GPC6: variants seen among roughly 807,000 people sequenced by gnomAD.
GPC6 encodes the protein glypican-6.
In GPC6, 14 loss-of-function variants were observed where a neutral mutation model predicts 55.2. The observed-to-expected ratio is 0.25, with a 90% CI of 0.17 to 0.40. The LOEUF is 0.40. Among genes scored for constraint, GPC6 ranks in the 10% least tolerant of loss-of-function variants. The probability of loss-of-function intolerance (pLI) is 1.00; values close to 1 mark genes in which losing one functional copy is unlikely to be tolerated. For missense variants in GPC6, 641 were observed against 708.5 expected, an observed-to-expected ratio of 0.90 and a Z score of 1.08; for synonymous variants, 278 against 259.6, an observed-to-expected ratio of 1.07 and a Z score of -0.68.
chr13:94,193,268 T>A (rs966492339), intron 4 of GPC6, among the ~76,000 whole-genome samples: 12 of 152,136 alleles, frequency 7.9e-5, no homozygotes, highest in African/African-American at 2.9e-4. Flanking sequence ...GCCTTTATAG[T>A]GGAGCTATGT....
At chr13:93,682,988 A>G (rs1229896025) in intron 2 of GPC6, among the ~76,000 whole-genome samples, 5 of 152,144 alleles carry the variant, frequency 3.3e-5, no homozygotes, top group African/African-American at 1.2e-4. Context: ...AGTGCACTCT[A>G]GTCTGTGTGA....
In GPC6 at chr13:93,543,992, A is replaced by G. The variant is rs555873037; in HGVS notation, c.161-1271A>G. ...TTTGTTATTTTTTATCTTTCTGATA[A>G]CAACCATCCTAACTGGGGTGAGATG... On this transcript the variant is annotated intron_variant, in intron 1 of 8. Coordinates refer to ENST00000377047, the MANE Select transcript of GPC6 (RefSeq NM_005708.5). Among the ~76,000 whole-genome samples the G allele has an allele frequency of 1.1e-4, 16 of 152,046 alleles. No individual in the cohort carries two copies. In the East Asian group the frequency reaches 2.9e-3, roughly 28 times the overall value.
At chr13:93,449,550 C>T (rs12855671) in intron 1 of GPC6, among the ~76,000 whole-genome samples, 32,215 of 152,140 alleles carry the variant, frequency 0.21, 3,583 homozygotes, top group Middle Eastern at 0.28. Flanking sequence ...GACTGTAGGC[C>T]GGGCGCGGTG....
intron 1 of GPC6, among the ~76,000 whole-genome samples, chr13:93,536,750 T>G (rs1566410419): frequency 6.6e-6 from 1 of 152,164 alleles, no homozygotes; most frequent in Non-Finnish European, 1.5e-5. Context: ...CATTAGTAAA[T>G]CCTCATATTG....
chr13:93,980,275 A>G (rs764632506), intron 3 of GPC6, among the ~76,000 whole-genome samples: 8 of 152,170 alleles, frequency 5.3e-5, no homozygotes, highest in African/African-American at 1.2e-4. Flanking sequence ...AAATGAATCA[A>G]TGAAAACCAC....
At chr13:93,495,235 T>G (rs1455948973) in intron 1 of GPC6, among the ~76,000 whole-genome samples, 1 of 145,282 alleles carries the variant, frequency 6.9e-6, no homozygotes, top group African/African-American at 2.6e-5. Flanking sequence ...TTTTATTCTT[T>G]TTTCTCTAAA....
Position 93,728,889 on chromosome 13 carries a change from T to C in GPC6, c.320-101265T>C, listed in dbSNP as rs60441452. On this transcript the variant is annotated intron_variant, in intron 2 of 8. Coordinates refer to ENST00000377047, the MANE Select transcript of GPC6 (RefSeq NM_005708.5). ...AGCCTTATTTTCTTTATTAATTTAT[T>C]GTATGTTGAGGCATGGACTTTGCTT... is the stretch of plus-strand genomic sequence containing the variant. Among the ~76,000 whole-genome samples, 1,264 of 152,242 alleles carry C rather than the reference T, an allele frequency of 8.3e-3. 16 individuals carry two copies. Among genetic ancestry groups the C allele is most frequent in the African/African-American group, 0.029 (1,192 of 41,566 alleles).
At chr13:93,480,963 C>T (rs889545683) in intron 1 of GPC6, among the ~76,000 whole-genome samples, 1 of 152,030 alleles carries the variant, frequency 6.6e-6, no homozygotes, top group Admixed American at 6.6e-5. Flanking sequence ...TGAGTGAATA[C>T]CTAGGAGTGG....
chr13:93,699,667 T>C (rs1882601350), intron 2 of GPC6, among the ~76,000 whole-genome samples: 1 of 152,150 alleles, frequency 6.6e-6, no homozygotes, highest in South Asian at 2.1e-4. Flanking sequence ...ATAATTTACA[T>C]AGATCATATG....
chr13:93,865,774 A>T (rs1332765089), intron 3 of GPC6, among the ~76,000 whole-genome samples: 2 of 151,738 alleles, frequency 1.3e-5, no homozygotes, highest in African/African-American at 4.8e-5. Flanking sequence ...GCAGGAGTCC[A>T]TTAATTTTAG....
intron 4 of GPC6, among the ~76,000 whole-genome samples, chr13:94,053,615 C>T (rs896566400): frequency 1.3e-5 from 2 of 152,078 alleles, no homozygotes; most frequent in African/African-American, 4.8e-5. Flanking sequence ...ATAATTATAG[C>T]CACCTCCCTT....
At chr13:93,301,802 C>T (rs369233686) in intron 1 of GPC6, among the ~76,000 whole-genome samples, 5 of 152,122 alleles carry the variant, frequency 3.3e-5, no homozygotes, top group African/African-American at 4.8e-5. Context: ...GACTAGTGGA[C>T]GGTCTTCTTT....
intron 1 of GPC6, among the ~76,000 whole-genome samples, chr13:93,408,574 A>G (rs1415872258): frequency 6.6e-6 from 1 of 152,210 alleles, no homozygotes; most frequent in Non-Finnish European, 1.5e-5. Flanking sequence ...AACAGGGAAG[A>G]ACCAGTGGTG....
chr13:93,740,276 C>A (rs546444473), intron 2 of GPC6, among the ~76,000 whole-genome samples: 1 of 152,158 alleles, frequency 6.6e-6, no homozygotes, highest in African/African-American at 2.4e-5. Context: ...AAGTTTTGTG[C>A]AGTAAAATGA....
At chr13:93,545,136 G>A in intron 1 of GPC6, 127 bp from the exon 2 acceptor site, 1 of 783,520 alleles carries the variant, frequency 1.3e-6, no homozygotes, top group South Asian at 1.4e-5. Context: ...TAGAGTTCAT[G>A]GGGATGGCTG....
intron 1 of GPC6, among the ~76,000 whole-genome samples, chr13:93,364,433 T>G (rs1006175958): frequency 3.3e-5 from 5 of 152,028 alleles, no homozygotes; most frequent in Admixed American, 1.3e-4. Flanking sequence ...ACGTTAGTGT[T>G]TTCACCTTTC....
intron 2 of GPC6, among the ~76,000 whole-genome samples, chr13:93,751,286 C>T (rs900021638): frequency 1.3e-5 from 2 of 152,158 alleles, no homozygotes; most frequent in African/African-American, 4.8e-5. Context: ...GATGTGGCCT[C>T]ACCACCAATA....
At chr13:93,316,952 A>G (rs143265971) in intron 1 of GPC6, among the ~76,000 whole-genome samples, 1 of 152,222 alleles carries the variant, frequency 6.6e-6, no homozygotes, top group East Asian at 1.9e-4. Flanking sequence ...TCTGATCTGC[A>G]TTTGAGGAGC....
chr13:93,646,391 A>T (rs561935593), intron 2 of GPC6, among the ~76,000 whole-genome samples: 2 of 152,274 alleles, frequency 1.3e-5, no homozygotes, highest in Admixed American at 1.3e-4. Flanking sequence ...AAACTAGCCA[A>T]CAAAGTACGC....
Sources: allele counts gnomAD v4.1 joint callset (sites outside exome capture counted in the v4.1 genomes callset), GRCh38; gene constraint gnomAD v4.1.1; transcripts MANE v1.5; gene names NCBI Gene and HGNC (gene_info 2026-07-23, HGNC 2026-07-21).